AGBL4: variants seen among roughly 807,000 people sequenced by gnomAD.
AGBL4 encodes AGBL carboxypeptidase 4.
In AGBL4, 58 loss-of-function variants were observed where a neutral mutation model predicts 66.4. That is an observed-to-expected ratio of 0.87 (90% CI 0.71 to 1.09). The LOEUF (loss-of-function observed/expected upper bound fraction) is 1.09, where lower values mean the gene tolerates loss of function less well. Among genes scored for constraint, AGBL4 ranks in the 50% least tolerant of loss-of-function variants. AGBL4 has a pLI of 0.00. For missense variants in AGBL4, 579 were observed against 631.0 expected (o/e 0.92, Z 0.88); for synonymous variants, 234 against 222.9 (o/e 1.05, Z -0.44).
At chr1:48,804,773 G>A (rs1645885125) in intron 6 of AGBL4, among the ~76,000 whole-genome samples, 1 of 152,140 alleles carries the variant, frequency 6.6e-6, no homozygotes, top group Non-Finnish European at 1.5e-5. Context: ...GATGAAGTGA[G>A]GTTCAAGTCT....
intron 3 of AGBL4, among the ~76,000 whole-genome samples, chr1:49,386,544 T>C (rs1644741349): frequency 6.6e-6 from 1 of 151,924 alleles, no homozygotes; most frequent in Non-Finnish European, 1.5e-5. Context: ...ATTAATTGTG[T>C]TTTGGGGGAA....
intron 4 of AGBL4, among the ~76,000 whole-genome samples, chr1:49,102,824 C>T (rs1043257666): frequency 6.6e-6 from 1 of 152,152 alleles, no homozygotes; most frequent in South Asian, 2.1e-4. Flanking sequence ...GGTCTCTTGA[C>T]TCCAAGGCCA....
chr1:49,512,770 T>C (rs985097598), intron 3 of AGBL4, among the ~76,000 whole-genome samples: 3 of 151,856 alleles, frequency 2.0e-5, no homozygotes, highest in Non-Finnish European at 4.4e-5. Flanking sequence ...CAACTAATTA[T>C]ATAATTCTTT....
Position 48,736,311 on chromosome 1 carries a change from C to A in AGBL4, c.635-73070G>T. ...GCATCTTTCTTTTTTTTTGTGGCGA[C>A]GCCTGTGACGCTTCTGTTTTTCAGA... On this transcript the variant is annotated intron_variant, in intron 6 of 13. Transcript: ENST00000371839. The surrounding 1 kb of genome is among the most constrained non-coding windows in gnomAD (Gnocchi z 4.0). 6.2e-7 allele frequency: 1 copy of A among 1,613,988 alleles called. No individual in the cohort carries two copies. Among genetic ancestry groups the A allele is most frequent in the African/African-American group, 1.3e-5 (1 of 74,954 alleles).
intron 4 of AGBL4, among the ~76,000 whole-genome samples, chr1:49,116,300 A>C (rs1013763303): frequency 1.3e-5 from 2 of 152,292 alleles, no homozygotes; most frequent in South Asian, 2.1e-4. Context: ...TACGTGTGCC[A>C]TGTTGGTTTG....
chr1:49,820,429 T>C (rs989672127), intron 2 of AGBL4, among the ~76,000 whole-genome samples: 29 of 152,192 alleles, frequency 1.9e-4, no homozygotes, highest in African/African-American at 7.0e-4. Flanking sequence ...TCCTGATTAT[T>C]CCTAAAGGAT....
At chr1:49,251,440 C>G (rs1398820732) in intron 3 of AGBL4, among the ~76,000 whole-genome samples, 1 of 152,090 alleles carries the variant, frequency 6.6e-6, no homozygotes, top group Non-Finnish European at 1.5e-5. Context: ...CAGTGCCCCA[C>G]CCTTGCAGTA....
At chr1:49,267,452 G>T (rs113631933) in intron 3 of AGBL4, among the ~76,000 whole-genome samples, 2 of 152,236 alleles carry the variant, frequency 1.3e-5, no homozygotes, top group African/African-American at 2.4e-5. Flanking sequence ...AGGCCAAAGC[G>T]GGCAGATCAC....
intron 3 of AGBL4, among the ~76,000 whole-genome samples, chr1:49,487,477 G>C (rs977753027): frequency 6.6e-6 from 1 of 151,856 alleles, no homozygotes; most frequent in African/African-American, 2.4e-5. Flanking sequence ...GTTCTCCTCA[G>C]ACAGACAAGA....
At chr1:49,024,106 G>A (rs935803785) in intron 5 of AGBL4, among the ~76,000 whole-genome samples, 6 of 152,238 alleles carry the variant, frequency 3.9e-5, no homozygotes, top group African/African-American at 1.4e-4. Flanking sequence ...ATTTTGATAA[G>A]TTGAGTTTAC....
intron 3 of AGBL4, among the ~76,000 whole-genome samples, chr1:49,399,792 T>A (rs1645046346): frequency 6.6e-6 from 1 of 152,146 alleles, no homozygotes; most frequent in African/African-American, 2.4e-5. Context: ...TCTCATTATC[T>A]GGGTTGTCTC....
intron 6 of AGBL4, among the ~76,000 whole-genome samples, chr1:48,762,614 T>TTGTG (rs58396843): frequency 2.2e-3 from 164 of 75,100 alleles, no homozygotes; most frequent in African/African-American, 5.1e-3. Flanking sequence ...TTTAAGGGTT[T>TTGTG]TGTGTGTGTG....
intron 4 of AGBL4, among the ~76,000 whole-genome samples, chr1:49,086,900 T>G (rs1275585343): frequency 6.6e-6 from 1 of 151,770 alleles, no homozygotes; most frequent in East Asian, 2.0e-4. Context: ...AACAAAGAAA[T>G]GCAAGCATGA....
intron 4 of AGBL4, among the ~76,000 whole-genome samples, chr1:49,200,507 C>T (rs1025583587): frequency 6.6e-6 from 1 of 152,104 alleles, no homozygotes; most frequent in African/African-American, 2.4e-5. Context: ...CAAGACTGCC[C>T]CTCTAATTTC....
At chr1:49,207,685 G>T (rs574933535) in intron 4 of AGBL4, among the ~76,000 whole-genome samples, 1 of 150,764 alleles carries the variant, frequency 6.6e-6, no homozygotes, top group African/African-American at 2.4e-5. Context: ...TTGACTTCCC[G>T]GGGTCCAGTG....
At chr1:49,052,523 C>T (rs759147631) in intron 4 of AGBL4, among the ~76,000 whole-genome samples, 1 of 152,102 alleles carries the variant, frequency 6.6e-6, no homozygotes, top group Non-Finnish European at 1.5e-5. Context: ...TGTTGTGAAA[C>T]TCTTAGGTGA....
At chr1:49,737,427 A>G (rs993758398) in intron 2 of AGBL4, among the ~76,000 whole-genome samples, 23 of 152,348 alleles carry the variant, frequency 1.5e-4, no homozygotes, top group Admixed American at 7.2e-4. Context: ...GAACTAACAC[A>G]GAAACAGAAA....
chr1:48,530,946 AGCCTCTGGCGGGTTGTAC>A (rs1470835321), downstream of AGBL4, among the ~76,000 whole-genome samples: 5 of 152,318 alleles, frequency 3.3e-5, no homozygotes, highest in Middle Eastern at 0.014. Context: ...GTGGGCTAGT[AGCCTCTGGCGGGTTGTAC>A]ACCTCTTGGT....
At chr1:48,724,054 T>C (rs961865069) in intron 6 of AGBL4, among the ~76,000 whole-genome samples, 6 of 152,172 alleles carry the variant, frequency 3.9e-5, no homozygotes, top group African/African-American at 1.4e-4. Context: ...AAGGTGGGTA[T>C]GAAAGCCAAG....
Sources: gnomAD v4.1 joint callset for allele counts (sites outside exome capture counted in the v4.1 genomes callset) on GRCh38, gnomAD v4.1.1 for gene constraint, Gnocchi (gnomAD v3.1) non-coding constraint, MANE v1.5 for transcripts, NCBI Gene and HGNC (gene_info 2026-07-23, HGNC 2026-07-21) for gene names.